Variants in AGTR1 observed in about 807,000 individuals in gnomAD.
The protein encoded by AGTR1 is angiotensin II receptor type 1.
Under a neutral mutation model 19.4 loss-of-function variants are expected in AGTR1, and 16 were observed. The ratio of observed to expected loss-of-function variants is 0.82; its 90% CI spans 0.56 to 1.25. The LOEUF (loss-of-function observed/expected upper bound fraction) is 1.25. AGTR1 is among the 50% of genes most tolerant of loss of function. The pLI is 0.00. For synonymous variants in AGTR1, 153 were observed against 154.9 expected (o/e 0.99, Z 0.09); for missense variants, 373 against 431.9 (o/e 0.86, Z 1.21).
intron 1 of AGTR1, among the ~76,000 whole-genome samples, chr3:148,707,146 A>G (rs1712712845): frequency 1.3e-5 from 2 of 152,114 alleles, no homozygotes; most frequent in Non-Finnish European, 1.5e-5. Flanking sequence ...GTAGATTTAT[A>G]TATGCTGATG....
chr3:148,707,759 C>G (rs1039431851), intron 1 of AGTR1, among the ~76,000 whole-genome samples, 185 bp from the exon 2 acceptor site: 1 of 152,070 alleles, frequency 6.6e-6, no homozygotes, highest in Admixed American at 6.6e-5. Flanking sequence ...ATGATGAGAT[C>G]CTGTGCCCAC....
In AGTR1 at chr3:148,741,079, A is replaced by C; in HGVS notation, c.44A>C (p.Gln15Pro). Residue 15 changes from glutamine to proline, a missense_variant, in exon 3 of 3, where the codon CAA becomes CCA. Coordinates refer to ENST00000349243, the MANE Select transcript of AGTR1 (RefSeq NM_000685.5). Reference protein sequence around the residue: ...SSTEDGIKRIQDDCPKAGRHN... With the variant: ...SSTEDGIKRIPDDCPKAGRHN... Reference sequence around the variant, plus strand: ...ACTGAAGATGGTATTAAAAGAATCCAAGATGATTGTCCCAAAGCTGGAAGG... The same window carrying C: ...ACTGAAGATGGTATTAAAAGAATCCCAGATGATTGTCCCAAAGCTGGAAGG... 1 of 1,614,048 alleles carries C rather than the reference A, an allele frequency of 6.2e-7. No homozygotes were observed. Among genetic ancestry groups the C allele is most frequent in the Non-Finnish European group, 8.5e-7 (1 of 1,179,924 alleles).
At chr3:148,728,661 C>A (rs563925347) in intron 2 of AGTR1, among the ~76,000 whole-genome samples, 23 of 152,162 alleles carry the variant, frequency 1.5e-4, no homozygotes, top group African/African-American at 5.5e-4. Flanking sequence ...AATATTTCTC[C>A]GAGAGGTGGA....
chr3:148,725,557 G>A (rs1050919004), intron 2 of AGTR1, among the ~76,000 whole-genome samples: 1 of 152,152 alleles, frequency 6.6e-6, no homozygotes, highest in East Asian at 1.9e-4. Context: ...TTGGCTCACT[G>A]CAACCTTCGC....
intron 2 of AGTR1, among the ~76,000 whole-genome samples, chr3:148,732,975 C>T (rs17237722): frequency 0.033 from 5,025 of 151,622 alleles, 113 homozygotes; most frequent in East Asian, 0.053. Flanking sequence ...CTCCTGACCT[C>T]GTGATCCGCC....
intron 2 of AGTR1, among the ~76,000 whole-genome samples, chr3:148,732,290 A>G (rs969639886): frequency 3.3e-5 from 5 of 152,268 alleles, no homozygotes; most frequent in African/African-American, 9.6e-5. Flanking sequence ...TTGGCCATAA[A>G]TGGAATGAAA....
chr3:148,701,241 G>A (rs776654577), intron 1 of AGTR1, among the ~76,000 whole-genome samples: 3 of 152,076 alleles, frequency 2.0e-5, no homozygotes, highest in South Asian at 2.1e-4. Flanking sequence ...TAGTTATTAC[G>A]TTAGTGACAA....
intron 2 of AGTR1, among the ~76,000 whole-genome samples, chr3:148,722,386 A>G (rs1055545244): frequency 6.6e-6 from 1 of 152,204 alleles, no homozygotes; most frequent in African/African-American, 2.4e-5. Flanking sequence ...AATGTCTGAG[A>G]TGAAAACTTA....
Position 148,741,966 on chromosome 3 carries a change from A to G in AGTR1, c.931A>G (p.Arg311Gly). Residue 311 changes from arginine to glycine, a missense_variant, in exon 3 of 3, where the codon AGA (arginine) becomes GGA (glycine). Physicochemically the swap from Arg to Gly is moderately radical, Grantham distance 125. Transcript: ENST00000349243. ...TGGCTTTCTGGGGAAAAAATTTAAAAGATATTTTCTCCAGCTTCTAAAATA... is the reference window on the plus strand; with the variant it reads ...TGGCTTTCTGGGGAAAAAATTTAAAGGATATTTTCTCCAGCTTCTAAAATA... ...FYGFLGKKFK[R>G]YFLQLLKYIP... is the part of the protein sequence containing the mutation. The G allele has an allele frequency of 6.2e-7, 1 of 1,613,864 alleles. No individual in the cohort carries two copies. Among genetic ancestry groups the G allele is most frequent in the African/African-American group, 1.3e-5 (1 of 74,994 alleles).
intron 2 of AGTR1, chr3:148,731,096 A>G (rs1012317860): frequency 2.6e-5 from 4 of 152,248 alleles, no homozygotes; most frequent in African/African-American, 9.6e-5. Context: ...TATTTTATCA[A>G]AATTAATTTT....
intron 2 of AGTR1, chr3:148,730,131 C>T (rs925239709): frequency 2.3e-5 from 9 of 397,890 alleles, no homozygotes; most frequent in Non-Finnish European, 3.5e-5. Context: ...ATGCTTGCTA[C>T]TTCATCATCC....
chr3:148,718,088 C>T (rs1316895008), intron 2 of AGTR1, among the ~76,000 whole-genome samples: 1 of 152,140 alleles, frequency 6.6e-6, no homozygotes, highest in Non-Finnish European at 1.5e-5. Context: ...CCACACTAGA[C>T]GTCCTTATGC....
rs377357687 is a variant in AGTR1 at position 148,741,768 on chromosome 3, A to G, written c.733A>G (p.Ile245Val). The G allele has an allele frequency of 2.3e-5, 37 of 1,613,302 alleles. No homozygotes were observed. The African/African-American group carries it at 3.9e-4, about 17-fold the overall frequency. Reference protein sequence around the residue: ...NDDIFKIIMAIVLFFFFSWIP... With the variant: ...NDDIFKIIMAVVLFFFFSWIP... ...TGATATTTTTAAGATAATTATGGCAATTGTGCTTTTCTTTTTCTTTTCCTG... is the reference window on the plus strand; with the variant it reads ...TGATATTTTTAAGATAATTATGGCAGTTGTGCTTTTCTTTTTCTTTTCCTG... The change falls in exon 3 of 3, where the codon ATT becomes GTT. Residue 245 changes from isoleucine (I) to valine (V), a missense_variant. By Grantham distance (29) the Ile-to-Val change is conservative. Coordinates refer to ENST00000349243, the MANE Select transcript of AGTR1 (RefSeq NM_000685.5).
At chr3:148,704,773 A>C (rs1303496628) in intron 1 of AGTR1, among the ~76,000 whole-genome samples, 1 of 152,138 alleles carries the variant, frequency 6.6e-6, no homozygotes, top group African/African-American at 2.4e-5. Context: ...TGGTCAAAAG[A>C]CAGGTGTGTA....
At chr3:148,731,223 G>A in intron 2 of AGTR1, 1 of 152,100 alleles carries the variant, frequency 6.6e-6, no homozygotes, top group East Asian at 1.9e-4. Context: ...ATAGAGGGGT[G>A]TATTAGTGAA....
At chr3:148,723,206 G>A (rs1246716710) in intron 2 of AGTR1, among the ~76,000 whole-genome samples, 1 of 152,140 alleles carries the variant, frequency 6.6e-6, no homozygotes, top group East Asian at 1.9e-4. Flanking sequence ...TGCAGTGAAT[G>A]TATTTAGGAA....
chr3:148,704,902 G>A (rs1006972522), intron 1 of AGTR1, among the ~76,000 whole-genome samples: 1 of 152,162 alleles, frequency 6.6e-6, no homozygotes, highest in Non-Finnish European at 1.5e-5. Context: ...CTTGAATCTA[G>A]AACTGTAGAT....
At chr3:148,699,873 C>T (rs915392512) in intron 1 of AGTR1, among the ~76,000 whole-genome samples, 33 of 152,118 alleles carry the variant, frequency 2.2e-4, no homozygotes, top group Non-Finnish European at 2.9e-5. Context: ...TGGTTCTGCT[C>T]TTCTTTGACC....
intron 1 of AGTR1, among the ~76,000 whole-genome samples, chr3:148,706,187 G>C (rs1041112112): frequency 6.6e-5 from 10 of 151,674 alleles, no homozygotes; most frequent in Non-Finnish European, 8.8e-5. Flanking sequence ...CTGGAGAATG[G>C]TACTATAAAT....
Sources: allele counts gnomAD v4.1 joint callset (sites outside exome capture counted in the v4.1 genomes callset), GRCh38; gene constraint gnomAD v4.1.1; transcripts MANE v1.5; gene names NCBI Gene and HGNC (gene_info 2026-07-23, HGNC 2026-07-21).